The following ZFHX3 variants were observed in gnomAD, a reference collection of about 807,000 sequenced individuals.
ZFHX3 encodes the protein zinc finger homeobox protein 3.
ZFHX3 carries 42 observed loss-of-function variants against 279.1 expected under a neutral mutation model. The ratio of observed to expected loss-of-function variants is 0.15; its 90% confidence interval spans 0.12 to 0.19. The LOEUF is 0.19. Ranked by LOEUF, ZFHX3 falls within the 10% of genes least tolerant of loss-of-function variation. The pLI is 1.00. For missense variants in ZFHX3, 4,981 were observed against 4,754.0 expected (o/e 1.05, Z -1.40); for synonymous variants, 2,293 against 1,957.8 (o/e 1.17, Z -4.52).
chr16:73,241,064 G>A (rs1335079366), intron 5 of ZFHX3, among the ~76,000 whole-genome samples: 1 of 152,190 alleles, frequency 6.6e-6, no homozygotes, highest in Non-Finnish European at 1.5e-5. Context: ...TTGCTGCCAG[G>A]AGAGGCAAAG....
intron 7 of ZFHX3, among the ~76,000 whole-genome samples, chr16:73,128,276 C>A (rs7186327): frequency 0.061 from 9,299 of 152,202 alleles, 952 homozygotes; most frequent in African/African-American, 0.21. Flanking sequence ...TATTTATATA[C>A]AGCACATGAA....
chr16:73,162,446 T>C (rs1382607041), intron 5 of ZFHX3, among the ~76,000 whole-genome samples: 1 of 152,238 alleles, frequency 6.6e-6, no homozygotes, highest in Non-Finnish European at 1.5e-5. Flanking sequence ...TGGTGAGTTG[T>C]AGAATTATTT....
intron 1 of ZFHX3, among the ~76,000 whole-genome samples, chr16:73,774,592 C>A (rs937020589): frequency 4.6e-5 from 7 of 152,178 alleles, no homozygotes; most frequent in African/African-American, 1.7e-4. Context: ...TGTCTATGCA[C>A]CCCCCAAAGA....
At chr16:73,411,226 T>G (rs901998986) in intron 3 of ZFHX3, among the ~76,000 whole-genome samples, 1 of 152,232 alleles carries the variant, frequency 6.6e-6, no homozygotes, top group East Asian at 1.9e-4. Context: ...CCTCAGTCCT[T>G]GGCCAAAAAT....
intron 5 of ZFHX3, among the ~76,000 whole-genome samples, chr16:73,192,303 A>T (rs1375749594): frequency 1.3e-5 from 2 of 152,170 alleles, no homozygotes; most frequent in African/African-American, 2.4e-5. Context: ...AAATTTAGGA[A>T]GAGTGACTGT....
In ZFHX3 at chr16:72,950,700, G is replaced by C. The variant is rs367709501; in HGVS notation, c.2985C>G (p.Leu995=). ...QCKLCRYNTQ[L]KANFQLHCKT... ...TGCAGTGCAGCTGGAAGTTGGCCTT[G>C]AGCTGGGTGTTGTAGCGGCAGAGCT... Residue 995 remains leucine, a synonymous_variant, in exon 3 of 10, where the codon CTC becomes CTG. Transcript: ENST00000268489. The C allele has an allele frequency of 2.6e-5, 42 of 1,614,106 alleles. No individual in the cohort carries two copies. The highest frequency in any genetic ancestry group is 3.3e-5 in the Admixed American group (2 of 60,012).
chr16:72,916,304 A>G (rs559048808), intron 3 of ZFHX3, among the ~76,000 whole-genome samples: 5 of 152,336 alleles, frequency 3.3e-5, no homozygotes, highest in African/African-American at 1.2e-4. Flanking sequence ...TATGCTTGTG[A>G]ACAATCTGGA....
At chr16:73,516,013 T>C (rs538550282) in intron 2 of ZFHX3, among the ~76,000 whole-genome samples, 1 of 152,336 alleles carries the variant, frequency 6.6e-6, no homozygotes, top group African/African-American at 2.4e-5. Flanking sequence ...AATACATTTA[T>C]ATTCAAAGAC....
intron 1 of ZFHX3, among the ~76,000 whole-genome samples, chr16:73,783,738 AAT>A (rs1959548295): frequency 6.6e-6 from 1 of 152,210 alleles, no homozygotes; most frequent in African/African-American, 2.4e-5. Flanking sequence ...TAACTCATTT[AAT>A]CTTTGCAACA....
At chr16:73,076,839 G>A (rs1028367284) in intron 8 of ZFHX3, among the ~76,000 whole-genome samples, 1 of 152,066 alleles carries the variant, frequency 6.6e-6, no homozygotes, top group Non-Finnish European at 1.5e-5. Context: ...GCTGTGCGCA[G>A]CGGCATTAAC....
chr16:73,264,856 C>CACTT (rs1404788803), intron 4 of ZFHX3, among the ~76,000 whole-genome samples: 3 of 152,090 alleles, frequency 2.0e-5, no homozygotes, highest in African/African-American at 7.2e-5. Flanking sequence ...TGAGTTACTT[C>CACTT]ACTTAGAGTA....
chr16:73,521,312 T>C (rs1290942250), intron 2 of ZFHX3, among the ~76,000 whole-genome samples: 1 of 152,186 alleles, frequency 6.6e-6, no homozygotes, highest in African/African-American at 2.4e-5. Context: ...GTAAAGGGTT[T>C]AGAATGGAGT....
At chr16:72,869,401 A>G (rs1256277475) in intron 4 of ZFHX3, among the ~76,000 whole-genome samples, 1 of 152,190 alleles carries the variant, frequency 6.6e-6, no homozygotes, top group Admixed American at 6.5e-5. Flanking sequence ...TCTTAAATAA[A>G]AGATTTAGAA....
chr16:73,505,048 A>G (rs925639343), intron 2 of ZFHX3: 2 of 152,118 alleles, frequency 1.3e-5, no homozygotes, highest in African/African-American at 2.4e-5. Flanking sequence ...GAGAGAGGCA[A>G]AAAGCTTTCT....
At chr16:73,248,429 T>C (rs1010824626) in intron 5 of ZFHX3, among the ~76,000 whole-genome samples, 4 of 151,820 alleles carry the variant, frequency 2.6e-5, no homozygotes, top group Admixed American at 2.6e-4. Context: ...AATGTGTCTT[T>C]GTGTCTATGT....
chr16:73,857,712 A>G (rs985087827), intron 1 of ZFHX3, among the ~76,000 whole-genome samples: 8 of 152,168 alleles, frequency 5.3e-5, no homozygotes, highest in Admixed American at 2.6e-4. Context: ...TTTCAATAAG[A>G]CAGAGAGCCA....
chr16:73,476,713 G>C (rs1357388524), intron 2 of ZFHX3, among the ~76,000 whole-genome samples: 1 of 152,084 alleles, frequency 6.6e-6, no homozygotes, highest in Non-Finnish European at 1.5e-5. Flanking sequence ...CCATGAATTT[G>C]TGCTTCACCA....
intron 1 of ZFHX3, among the ~76,000 whole-genome samples, chr16:73,690,180 G>T (rs1033411042): frequency 6.6e-6 from 1 of 152,238 alleles, no homozygotes; most frequent in East Asian, 1.9e-4. Flanking sequence ...GCCTCCCAAA[G>T]TGCTGGGATT....
rs140609871 is a variant in ZFHX3, at chr16:73,325,928, AACAC to A, written c.-1290-7596_-1290-7593del. On this transcript the variant is annotated intron_variant, in intron 3 of 17. Transcript: ENST00000641206. The stretch of plus-strand genomic sequence containing the variant: ...ACACACACACACACACACACACACA[AACAC>A]ACACACACACACACACACAGGGGAG... Among the ~76,000 whole-genome samples the A allele has an allele frequency of 2.6e-3, 384 of 145,554 alleles. 1 individual carries two copies. The highest frequency in any genetic ancestry group is 8.4e-3 in the African/African-American group (334 of 39,852).
Sources: gnomAD v4.1 joint callset for allele counts (sites outside exome capture counted in the v4.1 genomes callset) on GRCh38, gnomAD v4.1.1 for gene constraint, MANE v1.5 for transcripts, NCBI Gene and HGNC (gene_info 2026-07-23, HGNC 2026-07-21) for gene names.